Variants in KCNT2 observed in about 807,000 individuals in gnomAD.
KCNT2 encodes the protein potassium sodium-activated channel subfamily T member 2, also known as potassium channel subfamily T member 2.
In KCNT2, 67 loss-of-function variants were observed where a neutral mutation model predicts 153.8. That is an observed-to-expected ratio of 0.44 (90% CI 0.36 to 0.53). KCNT2 has a LOEUF of 0.53. KCNT2 is among the 20% of genes least tolerant of loss of function. KCNT2 has a pLI of 0.00. For synonymous variants in KCNT2, 500 were observed against 458.8 expected, an observed-to-expected ratio of 1.09 and a Z score of -1.15; for missense variants, 975 against 1,354.8, an observed-to-expected ratio of 0.72 and a Z score of 4.40.
At chr1:196,454,148 T>C (rs1200269314) in intron 8 of KCNT2, among the ~76,000 whole-genome samples, 1 of 152,010 alleles carries the variant, frequency 6.6e-6, no homozygotes, top group Non-Finnish European at 1.5e-5. Context: ...ATACATATTT[T>C]TCAACCATCT....
At chr1:196,252,252 CT>C (rs1656040828) in intron 26 of KCNT2, among the ~76,000 whole-genome samples, 1 of 151,622 alleles carries the variant, frequency 6.6e-6, no homozygotes, top group Non-Finnish European at 1.5e-5. Context: ...GGTTGGCAAA[CT>C]TTTGTTCTGT....
chr1:196,475,067 T>A (rs1341747357), intron 5 of KCNT2, among the ~76,000 whole-genome samples: 4 of 152,226 alleles, frequency 2.6e-5, no homozygotes, highest in Non-Finnish European at 5.9e-5. Context: ...GAATGTCTAA[T>A]TTCAAGAATT....
chr1:196,452,732 A>G (rs1389199290), intron 8 of KCNT2, among the ~76,000 whole-genome samples: 1 of 151,888 alleles, frequency 6.6e-6, no homozygotes, highest in African/African-American at 2.4e-5. Flanking sequence ...AGATGGTATT[A>G]TAAGGAATTG....
At chr1:196,273,614 T>C (rs1214134659) in intron 25 of KCNT2, 2 of 597,752 alleles carry the variant, frequency 3.3e-6, no homozygotes, top group East Asian at 3.0e-5. Flanking sequence ...CAAAATCCAA[T>C]TGCATGCATA....
chr1:196,479,291 A>T, intron 4 of KCNT2, 53 bp from the exon 5 acceptor site: 2 of 1,064,778 alleles, frequency 1.9e-6, no homozygotes, highest in East Asian at 4.9e-5. Flanking sequence ...TAAATTATAT[A>T]TATTCTTGGC....
At chr1:196,299,619 C>T (rs577146635) in intron 22 of KCNT2, among the ~76,000 whole-genome samples, 1 of 151,918 alleles carries the variant, frequency 6.6e-6, no homozygotes, top group African/African-American at 2.4e-5. Context: ...AGCAAGGATG[C>T]AGAGAAACGG....
intron 27 of KCNT2, 65 bp from the exon 28 acceptor site, chr1:196,228,400 G>T: frequency 1.3e-6 from 1 of 775,334 alleles, no homozygotes; most frequent in South Asian, 1.6e-5. Context: ...AATTCACACT[G>T]ACACTTCATA....
At chr1:196,564,169 G>T (rs1363806167) in intron 1 of KCNT2, among the ~76,000 whole-genome samples, 2 of 151,762 alleles carry the variant, frequency 1.3e-5, no homozygotes, top group African/African-American at 2.4e-5. Flanking sequence ...CTTCAGTGGA[G>T]TTGCAGGATA....
intron 26 of KCNT2, 163 bp downstream of exon 26, chr1:196,258,031 A>T: frequency 7.0e-7 from 1 of 1,424,090 alleles, no homozygotes; most frequent in Non-Finnish European, 9.1e-7. Context: ...TTATCTTATC[A>T]TCATCATTTA....
chr1:196,400,183 C>T (rs755523037), intron 12 of KCNT2, among the ~76,000 whole-genome samples: 1 of 150,620 alleles, frequency 6.6e-6, no homozygotes, highest in African/African-American at 2.4e-5. Flanking sequence ...ATTTTACATG[C>T]TTTTAAATCT....
At chr1:196,469,319 T>C (rs186263904) in intron 5 of KCNT2, among the ~76,000 whole-genome samples, 1 of 152,300 alleles carries the variant, frequency 6.6e-6, no homozygotes, top group African/African-American at 2.4e-5. Context: ...ATAACATTTT[T>C]TATCAAGTAA....
chr1:196,370,286 G>T (rs1668409756), intron 14 of KCNT2, among the ~76,000 whole-genome samples: 1 of 151,852 alleles, frequency 6.6e-6, no homozygotes, highest in South Asian at 2.1e-4. Context: ...AAAGTGAGCG[G>T]GTCTGAAAAA....
chr1:196,369,569 T>C (rs1397782864), intron 14 of KCNT2, among the ~76,000 whole-genome samples: 1 of 150,954 alleles, frequency 6.6e-6, no homozygotes, highest in Non-Finnish European at 1.5e-5. Context: ...AGTGAGAATA[T>C]GTGGTGTTTG....
At chr1:196,281,477 C>A (rs972802709) in intron 24 of KCNT2, among the ~76,000 whole-genome samples, 3 of 152,110 alleles carry the variant, frequency 2.0e-5, no homozygotes, top group Admixed American at 6.5e-5. Flanking sequence ...GACACTCTAG[C>A]ACCATACTGA....
intron 14 of KCNT2, among the ~76,000 whole-genome samples, chr1:196,359,405 G>T (rs1667438833): frequency 6.6e-6 from 1 of 151,476 alleles, no homozygotes; most frequent in Admixed American, 6.6e-5. Flanking sequence ...CTTTTTCCTT[G>T]TATCAATGGA....
chr1:196,319,686 C>CT (rs937767875), intron 19 of KCNT2, 131 bp from the exon 20 acceptor site: 18 of 484,732 alleles, frequency 3.7e-5, no homozygotes, highest in South Asian at 1.2e-4. Context: ...ATTTTCAGTG[C>CT]TTTTTTTTCT....
chr1:196,565,453 T>C (rs1659993905), intron 1 of KCNT2, among the ~76,000 whole-genome samples: 1 of 151,506 alleles, frequency 6.6e-6, no homozygotes, highest in Non-Finnish European at 1.5e-5. Flanking sequence ...CAAAGGAAAA[T>C]AAAATAACGT....
chr1:196,369,695 T>C (rs1668353335), intron 14 of KCNT2, among the ~76,000 whole-genome samples: 1 of 152,188 alleles, frequency 6.6e-6, no homozygotes, highest in African/African-American at 2.4e-5. Context: ...ATGGTGTATA[T>C]GTGCCACATT....
At chr1:196,276,803 T>A (rs1015485064) in intron 25 of KCNT2, among the ~76,000 whole-genome samples, 1 of 152,134 alleles carries the variant, frequency 6.6e-6, no homozygotes, top group Non-Finnish European at 1.5e-5. Context: ...ATTGTTTCAT[T>A]TTATTCTGGC....
Sources: gnomAD v4.1 joint callset for allele counts (sites outside exome capture counted in the v4.1 genomes callset) on GRCh38, gnomAD v4.1.1 for gene constraint, MANE v1.5 for transcripts, NCBI Gene and HGNC (gene_info 2026-07-23, HGNC 2026-07-21) for gene names.